MAGI2: variants seen among roughly 807,000 people sequenced by gnomAD.
The protein encoded by MAGI2 is membrane associated guanylate kinase, WW and PDZ domain containing 2.
A neutral mutation model predicts 133.3 loss-of-function variants in MAGI2; 35 were observed. The ratio of observed to expected loss-of-function variants is 0.26; its 90% CI spans 0.20 to 0.35. MAGI2 has a LOEUF of 0.35. Ranked by LOEUF, MAGI2 falls within the 10% of genes least tolerant of loss-of-function variation. The pLI is 1.00. For synonymous variants in MAGI2, 729 were observed against 710.6 expected (o/e 1.03, Z -0.41); for missense variants, 1,636 against 1,863.4 (o/e 0.88, Z 2.25).
chr7:79,036,335 A>G (rs1811127041), intron 1 of MAGI2, among the ~76,000 whole-genome samples: 1 of 152,230 alleles, frequency 6.6e-6, no homozygotes, highest in Non-Finnish European at 1.5e-5. Flanking sequence ...TAGATGTTAG[A>G]TTCATTGGTA....
chr7:79,237,223 C>T (rs771119971), intron 1 of MAGI2, among the ~76,000 whole-genome samples: 67 of 152,312 alleles, frequency 4.4e-4, no homozygotes, highest in African/African-American at 8.9e-4. Flanking sequence ...TTGCCGGGCG[C>T]GGTGGCTCAC....
chr7:78,173,872 T>C (rs1278286212), intron 14 of MAGI2, among the ~76,000 whole-genome samples: 4 of 152,196 alleles, frequency 2.6e-5, no homozygotes, highest in African/African-American at 4.8e-5. Flanking sequence ...CAGCCAGTTG[T>C]TGTCATGGAG....
chr7:78,244,788 G>T (rs865939155), intron 10 of MAGI2, among the ~76,000 whole-genome samples: 59 of 151,942 alleles, frequency 3.9e-4, no homozygotes, highest in African/African-American at 1.3e-3. Flanking sequence ...TCATCATAGT[G>T]ATAAGTCAAA....
intron 2 of MAGI2, among the ~76,000 whole-genome samples, chr7:78,784,259 G>A (rs1267890973): frequency 6.6e-6 from 1 of 151,374 alleles, no homozygotes; most frequent in African/African-American, 2.4e-5. Flanking sequence ...CCAAAGTATG[G>A]CATGTTGGCA....
intron 1 of MAGI2, among the ~76,000 whole-genome samples, chr7:79,316,450 C>A (rs1350952544): frequency 6.6e-6 from 1 of 152,096 alleles, no homozygotes; most frequent in Non-Finnish European, 1.5e-5. Context: ...TATATATACA[C>A]ACACATATAT....
intron 1 of MAGI2, among the ~76,000 whole-genome samples, chr7:79,278,094 C>G (rs1388434113): frequency 6.6e-6 from 1 of 152,138 alleles, no homozygotes; most frequent in Non-Finnish European, 1.5e-5. Flanking sequence ...GTGTTTGGAT[C>G]AAGGGGGCAG....
chr7:78,404,792 T>G (rs1274906149), intron 6 of MAGI2, among the ~76,000 whole-genome samples: 1 of 152,038 alleles, frequency 6.6e-6, no homozygotes, highest in Admixed American at 6.6e-5. Context: ...CCTAAAGCAA[T>G]GGCAACAAAA....
chr7:78,177,426 A>G lies in MAGI2; in HGVS notation c.2403+585T>C, dbSNP rs867963981. On this transcript the variant is annotated intron_variant, in intron 14 of 21. Transcript: ENST00000354212. ...TTTCACTGTGAATACGCGCACACAC[A>G]CACACACACACACACACACAGACAC... Among the ~76,000 whole-genome samples the G allele has an allele frequency of 1.8e-3, 280 of 151,710 alleles. 1 individual carries two copies. The highest frequency in any genetic ancestry group is 4.1e-3 in the African/African-American group (170 of 41,306).
chr7:79,181,233 C>A (rs1358603210), intron 1 of MAGI2, among the ~76,000 whole-genome samples: 4 of 151,990 alleles, frequency 2.6e-5, no homozygotes, highest in Non-Finnish European at 5.9e-5. Context: ...TCTGCATTGC[C>A]CTAGAAGAGG....
chr7:79,007,830 ATTTC>A (rs1807607967), intron 1 of MAGI2, among the ~76,000 whole-genome samples: 2 of 152,026 alleles, frequency 1.3e-5, no homozygotes, highest in African/African-American at 4.8e-5. Context: ...AATAAAAGGA[ATTTC>A]TTTATTTTGT....
intron 19 of MAGI2, among the ~76,000 whole-genome samples, chr7:78,126,105 G>A (rs958788462): frequency 5.3e-5 from 8 of 152,082 alleles, no homozygotes; most frequent in Admixed American, 3.9e-4. Context: ...CTTGGCAAAC[G>A]TGGAATGATT....
At chr7:78,163,286 C>A (rs35884869) in intron 15 of MAGI2, among the ~76,000 whole-genome samples, 1 of 151,908 alleles carries the variant, frequency 6.6e-6, no homozygotes, top group African/African-American at 2.4e-5. Context: ...TACAGGCGTC[C>A]GCCACCACGC....
At chr7:78,644,536 T>G (rs1347036103) in intron 2 of MAGI2, among the ~76,000 whole-genome samples, 1 of 152,110 alleles carries the variant, frequency 6.6e-6, no homozygotes, top group African/African-American at 2.4e-5. Context: ...ATTTGGAAAC[T>G]AACACACTTT....
chr7:78,493,808 C>T (rs73374271), intron 5 of MAGI2, among the ~76,000 whole-genome samples: 5,459 of 151,750 alleles, frequency 0.036, 252 homozygotes, highest in African/African-American at 0.11. Flanking sequence ...TACTTAAATT[C>T]CTTTTTAAGT....
At chr7:78,132,344 G>A (rs1563162273) in intron 18 of MAGI2, among the ~76,000 whole-genome samples, 2 of 152,202 alleles carry the variant, frequency 1.3e-5, no homozygotes, top group East Asian at 1.9e-4. Context: ...AGGGCAGACC[G>A]AGAGGCCTTC....
intron 1 of MAGI2, among the ~76,000 whole-genome samples, chr7:79,432,309 T>A (rs1289009980): frequency 2.6e-5 from 4 of 152,218 alleles, no homozygotes; most frequent in Non-Finnish European, 5.9e-5. Flanking sequence ...AGTGGTCATT[T>A]AAAAAGGATC....
intron 3 of MAGI2, among the ~76,000 whole-genome samples, chr7:78,541,249 C>T (rs1299904512): frequency 1.3e-5 from 2 of 152,052 alleles, no homozygotes; most frequent in Admixed American, 1.3e-4. Context: ...GAAAGAATTA[C>T]CCTTTTAAAA....
At chr7:78,044,950 C>T (rs12539225) in intron 21 of MAGI2, among the ~76,000 whole-genome samples, 35,168 of 152,124 alleles carry the variant, frequency 0.23, 4,281 homozygotes, top group Non-Finnish European at 0.27. Context: ...GGGTGGATCA[C>T]GAGGTCAAGA....
At chr7:79,433,111 A>C (rs1847885662) in intron 1 of MAGI2, among the ~76,000 whole-genome samples, 1 of 152,190 alleles carries the variant, frequency 6.6e-6, no homozygotes, top group Non-Finnish European at 1.5e-5. Context: ...TTCGGAACAG[A>C]CTACATTTTT....
Sources: allele counts gnomAD v4.1 joint callset (sites outside exome capture counted in the v4.1 genomes callset), GRCh38; gene constraint gnomAD v4.1.1; transcripts MANE v1.5; gene names NCBI Gene and HGNC (gene_info 2026-07-23, HGNC 2026-07-21).